The following AHI1 variants were observed in gnomAD, a reference collection of about 807,000 sequenced individuals.
AHI1 encodes Abelson helper integration site 1.
AHI1 carries 123 observed loss-of-function variants against 149.3 expected under a neutral mutation model. The observed-to-expected ratio is 0.82, with a 90% CI of 0.71 to 0.96. AHI1 has a LOEUF of 0.96. Among genes scored for constraint, AHI1 ranks in the 40% least tolerant of loss-of-function variants. AHI1 has a pLI of 0.00. For missense variants in AHI1, 1,439 were observed against 1,422.7 expected, an observed-to-expected ratio of 1.01 and a Z score of -0.18; for synonymous variants, 475 against 459.8, an observed-to-expected ratio of 1.03 and a Z score of -0.42.
intron 23 of AHI1, among the ~76,000 whole-genome samples, chr6:135,367,662 T>C (rs1434337576): frequency 6.6e-6 from 1 of 152,202 alleles, no homozygotes; most frequent in Non-Finnish European, 1.5e-5. Flanking sequence ...CTTTCCAGTG[T>C]ATTTTGCATT....
chr6:135,399,821 C>T (rs1464844314), intron 22 of AHI1, among the ~76,000 whole-genome samples: 1 of 151,368 alleles, frequency 6.6e-6, no homozygotes, highest in African/African-American at 2.4e-5. Flanking sequence ...GCTCACCACG[C>T]TCCACATATA....
intron 7 of AHI1, 107 bp from the exon 8 acceptor site, chr6:135,463,413 A>T (rs924032446): frequency 2.2e-6 from 2 of 925,824 alleles, no homozygotes; most frequent in African/African-American, 3.4e-5. Context: ...TAATCCTAAA[A>T]TCACTATTAT....
chr6:135,444,299 A>C (rs761422109), intron 13 of AHI1, among the ~76,000 whole-genome samples: 3 of 151,930 alleles, frequency 2.0e-5, no homozygotes, highest in Non-Finnish European at 2.9e-5. Context: ...TTTCTCACTC[A>C]CCCGAAAACC....
intron 26 of AHI1, among the ~76,000 whole-genome samples, chr6:135,303,188 C>G (rs1391172698): frequency 6.6e-6 from 1 of 152,126 alleles, no homozygotes; most frequent in East Asian, 1.9e-4. Context: ...GAAAACAACT[C>G]ATAGATAGCT....
intron 28 of AHI1, among the ~76,000 whole-genome samples, chr6:135,288,818 A>G (rs1413689384): frequency 6.6e-6 from 1 of 151,900 alleles, no homozygotes; most frequent in Non-Finnish European, 1.5e-5. Flanking sequence ...GGTCAAAGAG[A>G]TGCACATTTT....
At chr6:135,312,747 GA>G (rs1388128494) in intron 26 of AHI1, among the ~76,000 whole-genome samples, 1 of 152,108 alleles carries the variant, frequency 6.6e-6, no homozygotes, top group Non-Finnish European at 1.5e-5. Flanking sequence ...CATTTTAAAC[GA>G]ACTTCTTATA....
At chr6:135,406,207 A>C (rs1366344398) in intron 21 of AHI1, among the ~76,000 whole-genome samples, 1 of 152,216 alleles carries the variant, frequency 6.6e-6, no homozygotes, top group East Asian at 1.9e-4. Context: ...TCTCATTCTA[A>C]GTTTTTAGAT....
chr6:135,374,278 A>G (rs943667893), intron 23 of AHI1, among the ~76,000 whole-genome samples: 1 of 150,830 alleles, frequency 6.6e-6, no homozygotes. Flanking sequence ...ACGCCTGGCT[A>G]ATTTTTTGTA....
chr6:135,446,105 A>C (rs1243244010), intron 13 of AHI1, among the ~76,000 whole-genome samples: 2 of 151,962 alleles, frequency 1.3e-5, no homozygotes, highest in Admixed American at 1.3e-4. Context: ...CCAGGCTAAA[A>C]ATCTATGTTA....
At chr6:135,466,972 A>G (rs926979639) in intron 6 of AHI1, among the ~76,000 whole-genome samples, 1 of 152,216 alleles carries the variant, frequency 6.6e-6, no homozygotes, top group Non-Finnish European at 1.5e-5. Context: ...TATTTTTAAT[A>G]GAAAAAAATA....
At chr6:135,319,127 A>G (rs1786419986) in intron 25 of AHI1, among the ~76,000 whole-genome samples, 1 of 152,226 alleles carries the variant, frequency 6.6e-6, no homozygotes, top group African/African-American at 2.4e-5. Flanking sequence ...TTAATGGAAG[A>G]AGTGGTAGGT....
intron 26 of AHI1, among the ~76,000 whole-genome samples, chr6:135,306,381 G>A (rs1159885159): frequency 2.0e-5 from 3 of 152,156 alleles, no homozygotes; most frequent in African/African-American, 7.2e-5. Flanking sequence ...AGAAAGTAGG[G>A]ATGAAAATGT....
intron 24 of AHI1, among the ~76,000 whole-genome samples, chr6:135,341,549 T>C (rs1009492107): frequency 6.6e-6 from 1 of 152,020 alleles, no homozygotes; most frequent in African/African-American, 2.4e-5. Flanking sequence ...CCACAGAACA[T>C]TCTCTAGGAG....
chr6:135,348,200 G>A (rs1316105549), intron 24 of AHI1, among the ~76,000 whole-genome samples: 1 of 152,136 alleles, frequency 6.6e-6, no homozygotes, highest in Non-Finnish European at 1.5e-5. Flanking sequence ...CATTAGTAGT[G>A]GCAGATGGTA....
At chr6:135,309,483 GTT>G (rs534230013) in intron 26 of AHI1, among the ~76,000 whole-genome samples, 4,207 of 139,530 alleles carry the variant, frequency 0.03, 194 homozygotes, top group African/African-American at 0.1. Flanking sequence ...AAGCACTTTA[GTT>G]TTTTTTTTTT....
At chr6:135,435,389 T>C (rs1022651677) in intron 15 of AHI1, among the ~76,000 whole-genome samples, 3 of 152,180 alleles carry the variant, frequency 2.0e-5, no homozygotes, top group Non-Finnish European at 4.4e-5. Flanking sequence ...AAATAATAAC[T>C]ACAAACCTAT....
chr6:135,380,013 C>CTCCT (rs1226463124), intron 23 of AHI1, among the ~76,000 whole-genome samples: 11 of 125,946 alleles, frequency 8.7e-5, no homozygotes, highest in South Asian at 3.0e-4. Flanking sequence ...CTCTTCCTCC[C>CTCCT]TCCTTCCTTC....
At chr6:135,355,682 C>T (rs921681781) in intron 24 of AHI1, among the ~76,000 whole-genome samples, 1 of 152,034 alleles carries the variant, frequency 6.6e-6, no homozygotes, top group Admixed American at 6.6e-5. Flanking sequence ...GGGCAGATCA[C>T]GAGGTCAGGA....
intron 27 of AHI1, among the ~76,000 whole-genome samples, chr6:135,294,698 C>CAAAAAAAAAAAA (rs56734547): frequency 8.8e-5 from 6 of 68,008 alleles, no homozygotes; most frequent in African/African-American, 1.9e-4. Context: ...TCTCCAAATG[C>CAAAAAAAAAAAA]AAAAAAAAAA....
Sources: gnomAD v4.1 joint callset for allele counts (sites outside exome capture counted in the v4.1 genomes callset) on GRCh38, gnomAD v4.1.1 for gene constraint, MANE v1.5 for transcripts, NCBI Gene and HGNC (gene_info 2026-07-23, HGNC 2026-07-21) for gene names.